The following PVT1 variants were observed in gnomAD, a reference collection of about 807,000 sequenced individuals.
PVT1 encodes Pvt1 oncogene.
At chr8:127,853,780 A>AAAAAC (rs915940679) in intron 2 of PVT1, among the ~76,000 whole-genome samples, 1 of 151,492 alleles carries the variant, frequency 6.6e-6, no homozygotes, top group Non-Finnish European at 1.5e-5. Flanking sequence ...AACAAGAAAC[A>AAAAAC]AAAACAAAAC....
At chr8:127,819,376 C>G (rs773764369) in intron 2 of PVT1, among the ~76,000 whole-genome samples, 6 of 152,196 alleles carry the variant, frequency 3.9e-5, no homozygotes, top group Non-Finnish European at 7.3e-5. Flanking sequence ...TCTGAGCACT[C>G]TGCATCTGTA....
At chr8:127,856,637 A>G (rs2129743302) in intron 2 of PVT1, among the ~76,000 whole-genome samples, 1 of 152,296 alleles carries the variant, frequency 6.6e-6, no homozygotes, top group East Asian at 1.9e-4. Flanking sequence ...TACCACGCCC[A>G]GCCCCAGCCA....
chr8:127,812,240 A>AAGGAAGGCAGGAAGGCAGGAAGGC (rs1164337193), intron 2 of PVT1, among the ~76,000 whole-genome samples: 6 of 127,720 alleles, frequency 4.7e-5, no homozygotes, highest in African/African-American at 2.2e-4. Context: ...GGCAGGAAGG[A>AAGGAAGGCAGGAAGGCAGGAAGGC]AGGAAGGCAG....
chr8:128,066,692 G>A (rs764426082), intron 4 of PVT1, among the ~76,000 whole-genome samples: 1 of 152,172 alleles, frequency 6.6e-6, no homozygotes, highest in Non-Finnish European at 1.5e-5. Flanking sequence ...TAGGTGGGAG[G>A]TGGCAGCTCT....
chr8:127,980,418 A>G (rs1036044755), intron 3 of PVT1, among the ~76,000 whole-genome samples: 5 of 152,124 alleles, frequency 3.3e-5, no homozygotes, highest in Admixed American at 2.6e-4. Context: ...GGAAGAGGCA[A>G]CCTGCATACT....
At chr8:127,870,845 C>A (rs992997221) in intron 2 of PVT1, among the ~76,000 whole-genome samples, 1 of 152,178 alleles carries the variant, frequency 6.6e-6, no homozygotes, top group East Asian at 1.9e-4. Flanking sequence ...CAGCATGCAG[C>A]CTGAAAATGT....
At chr8:127,908,540 C>A (rs1392992300) in intron 3 of PVT1, among the ~76,000 whole-genome samples, 3 of 152,042 alleles carry the variant, frequency 2.0e-5, no homozygotes, top group African/African-American at 7.2e-5. Flanking sequence ...CGGGGTTTCA[C>A]CATATTGACC....
At chr8:127,963,365 T>C (rs1816668142) in intron 3 of PVT1, among the ~76,000 whole-genome samples, 1 of 152,192 alleles carries the variant, frequency 6.6e-6, no homozygotes, top group Non-Finnish European at 1.5e-5. Context: ...GTCTGACACC[T>C]GGTGAGATTT....
At chr8:128,034,342 C>T (rs2130076292) in intron 4 of PVT1, among the ~76,000 whole-genome samples, 1 of 152,346 alleles carries the variant, frequency 6.6e-6, no homozygotes, top group South Asian at 2.1e-4. Context: ...AACTCCTGTT[C>T]ATCCTTCTGG....
intron 2 of PVT1, among the ~76,000 whole-genome samples, chr8:127,840,038 CGGGA>C (rs995608979): frequency 1.3e-5 from 2 of 152,082 alleles, no homozygotes; most frequent in Non-Finnish European, 2.9e-5. Flanking sequence ...TGGATTGAGT[CGGGA>C]GGGAGGGGAA....
At chr8:128,060,934 G>A (rs1405586328) in intron 4 of PVT1, among the ~76,000 whole-genome samples, 3 of 138,698 alleles carry the variant, frequency 2.2e-5, no homozygotes, top group East Asian at 4.5e-4. Flanking sequence ...TTTTGAGACG[G>A]AGTCTCTCTC....
At position 127,984,885 on chromosome 8, in the gene PVT1, C is replaced by A. The variant is rs1229030378; in HGVS notation, n.783-4277C>A. Among the ~76,000 whole-genome samples, 3 of 99,606 alleles carry A rather than the reference C, an allele frequency of 3.0e-5. No individual in the cohort carries two copies. The Admixed American group carries it at 4.1e-4, about 14-fold the overall frequency. 65.3% of individuals were successfully genotyped at this position (99,606 alleles called of 152,430 possible). ...TCTTTCTTTCTTTCTTTCTTTCTTT[C>A]TTTCTTTCTTTCTTTCTTTCTTTCT... On this transcript the variant is annotated intron_variant and non_coding_transcript_variant, in intron 3 of 10. Transcript: ENST00000651587.
chr8:128,078,226 C>T (rs1409207929), intron 5 of PVT1, among the ~76,000 whole-genome samples: 4 of 152,212 alleles, frequency 2.6e-5, no homozygotes, highest in African/African-American at 4.8e-5. Flanking sequence ...TGTGTATCTC[C>T]AGTGCCTAGC....
intron 4 of PVT1, among the ~76,000 whole-genome samples, chr8:128,035,242 G>A (rs1430666414): frequency 6.6e-6 from 1 of 152,156 alleles, no homozygotes; most frequent in East Asian, 1.9e-4. Flanking sequence ...CTGCTTGTGG[G>A]CCTGCTATTT....
intron 3 of PVT1, among the ~76,000 whole-genome samples, chr8:127,907,950 C>T (rs557189241): frequency 2.0e-5 from 3 of 152,238 alleles, no homozygotes; most frequent in East Asian, 1.9e-4. Flanking sequence ...CTCCAAGCAG[C>T]GAACAAGAGG....
chr8:127,882,977 A>C (rs536211393), intron 2 of PVT1, among the ~76,000 whole-genome samples: 2 of 152,086 alleles, frequency 1.3e-5, no homozygotes, highest in South Asian at 4.2e-4. Flanking sequence ...TCTGCAAGAG[A>C]GGGAAAGAGA....
At chr8:127,795,071 C>G (rs886123390) in intron 1 of PVT1, among the ~76,000 whole-genome samples, 2 of 152,136 alleles carry the variant, frequency 1.3e-5, no homozygotes, top group East Asian at 1.9e-4. Context: ...GCCCCTCTGG[C>G]GAAACTAGAG....
Position 127,927,255 on chromosome 8 carries a change from C to T in PVT1, n.782+36257C>T, listed in dbSNP as rs78948789. Among the ~76,000 whole-genome samples, 1,085 of 152,264 alleles carry T rather than the reference C, an allele frequency of 7.1e-3. 11 individuals carry two copies. The highest frequency in any genetic ancestry group is 0.013 in the Non-Finnish European group (901 of 68,016). On this transcript the variant is annotated intron_variant and non_coding_transcript_variant, in intron 3 of 10. Coordinates refer to ENST00000651587, the Ensembl canonical transcript of PVT1. ...AATGATGTGGTGCAGTGACTAGCAT[C>T]GAGGGGACACCCTCTCCACACAGGC...
At chr8:127,851,175 G>C (rs1485540312) in intron 2 of PVT1, among the ~76,000 whole-genome samples, 1 of 152,158 alleles carries the variant, frequency 6.6e-6, no homozygotes, top group Non-Finnish European at 1.5e-5. Context: ...TTGGCAGGTG[G>C]GTGGTGAATC....
Sources: gnomAD v4.1 joint callset for allele counts (sites outside exome capture counted in the v4.1 genomes callset) on GRCh38, gnomAD v4.1.1 for gene constraint, MANE v1.5 for transcripts, NCBI Gene and HGNC (gene_info 2026-07-23, HGNC 2026-07-21) for gene names.